PRPF6: variants seen among roughly 807,000 people sequenced by gnomAD.
PRPF6 encodes pre-mRNA processing factor 6.
In PRPF6, 42 loss-of-function variants were observed where a neutral mutation model predicts 118.3. The ratio of observed to expected loss-of-function variants is 0.35; its 90% CI spans 0.28 to 0.46. The LOEUF is 0.46. Ranked by LOEUF, PRPF6 falls within the 20% of genes least tolerant of loss-of-function variation. The pLI, the probability that PRPF6 is intolerant of heterozygous loss-of-function variation, is 1.00. For synonymous variants in PRPF6, 481 were observed against 485.1 expected, an observed-to-expected ratio of 0.99 and a Z score of 0.11; for missense variants, 662 against 1,255.7, an observed-to-expected ratio of 0.53 and a Z score of 7.15.
In PRPF6 at chr20:64,026,037, G is replaced by C. The variant is rs962201507; in HGVS notation, c.2007G>C (p.Arg669=). Residue 669 remains arginine, a synonymous_variant, in exon 15 of 21, where the codon CGG becomes CGC. Coordinates refer to ENST00000266079, the MANE Select transcript of PRPF6 (RefSeq NM_012469.4). The surrounding 1 kb of genome is among the most constrained non-coding windows in gnomAD (Gnocchi z 4.4). ...CCCGGAGGCTGCTGGCCAAGGCGCG[G>C]AGCAGTGCCCCCACCGCCCGGGTAC... The part of the protein sequence containing the change: ...ERARRLLAKA[R]SSAPTARVFM... 1.2e-6 allele frequency: 2 copies of C among 1,607,994 alleles called. No individual in the cohort carries two copies. Among genetic ancestry groups the C allele is most frequent in the Admixed American group, 1.7e-5 (1 of 60,028 alleles).
chr20:63,985,308 A>G (rs74671573), intron 3 of PRPF6, among the ~76,000 whole-genome samples: 1 of 152,016 alleles, frequency 6.6e-6, no homozygotes, highest in Non-Finnish European at 1.5e-5. Context: ...GCAGTGAGCC[A>G]TGATCATTCC....
At chr20:64,017,643 A>G (rs1383159261) in intron 12 of PRPF6, among the ~76,000 whole-genome samples, 1 of 152,188 alleles carries the variant, frequency 6.6e-6, no homozygotes, top group African/African-American at 2.4e-5. Flanking sequence ...CCGGCCTCCC[A>G]GAGTGCTGGG....
In PRPF6 at chr20:64,027,048, G is replaced by A. The variant is rs2059294340; in HGVS notation, c.2095G>A (p.Glu699Lys). 1.2e-6 allele frequency: 2 copies of A among 1,614,082 alleles called. No individual in the cohort carries two copies. Among genetic ancestry groups the A allele is most frequent in the Middle Eastern group, 1.7e-4 (1 of 6,052 alleles). The change falls in exon 16 of 21, where the codon GAG becomes AAG. Residue 699 changes from glutamate (E) to lysine (K), a missense_variant. Transcript: ENST00000266079. This position sits in a 1 kb window ranked among gnomAD's most constrained non-coding sequence, Gnocchi z 6.5. The part of the protein sequence containing the change: ...DNIRAAQDLC[E>K]EALRHYEDFP... ...CATCAGGGCAGCCCAAGATCTGTGC[G>A]AGGAGGCCCTGCGGCACTATGAGGA... is the stretch of plus-strand genomic sequence containing the variant.
At chr20:63,987,190 G>A (rs2427578) in intron 3 of PRPF6, among the ~76,000 whole-genome samples, 19,418 of 72,202 alleles carry the variant, frequency 0.27, 1,803 homozygotes, top group South Asian at 0.38. Context: ...AAAAAAAAAA[G>A]GGGGGGGGAG....
At chr20:63,984,361 C>T (rs1476380869) in intron 2 of PRPF6, among the ~76,000 whole-genome samples, 1 of 151,036 alleles carries the variant, frequency 6.6e-6, no homozygotes, top group African/African-American at 2.4e-5. Flanking sequence ...GCGGAGGTTG[C>T]GGTGAGCCAA....
chr20:64,025,530 G>A (rs542467245), intron 14 of PRPF6, among the ~76,000 whole-genome samples: 18 of 152,252 alleles, frequency 1.2e-4, no homozygotes, highest in Non-Finnish European at 2.5e-4. Flanking sequence ...CATGAGGACA[G>A]GACAGCTGGC....
At chr20:64,008,629 C>T (rs1029434465) in intron 9 of PRPF6, among the ~76,000 whole-genome samples, 5 of 139,076 alleles carry the variant, frequency 3.6e-5, no homozygotes, top group Admixed American at 6.9e-5. Context: ...AATTAGGTCA[C>T]TCTTTGCTTT....
intron 9 of PRPF6, among the ~76,000 whole-genome samples, chr20:64,009,721 CAAAACA>C (rs905258844): frequency 2.6e-5 from 4 of 152,290 alleles, no homozygotes; most frequent in African/African-American, 9.6e-5. Flanking sequence ...GACTCTGTCT[CAAAACA>C]AAAACAAAAA....
In PRPF6 at chr20:64,011,507, G is replaced by A; in HGVS notation, c.1524+4G>A. 1.2e-6 allele frequency: 2 copies of A among 1,611,036 alleles called. No homozygotes were observed. The highest frequency in any genetic ancestry group is 1.7e-6 in the Non-Finnish European group (2 of 1,179,154). ...CAACCGTGAGCAGTGGATCCAGGTG[G>A]GCCGCAGGCGGGTGTCGTGGTGTCT... On this transcript the variant is annotated splice_donor_region_variant and intron_variant, in intron 11 of 20. Transcript: ENST00000266079. This position sits in a 1 kb window ranked among gnomAD's most constrained non-coding sequence, Gnocchi z 6.7.
rs747216924 is a variant in PRPF6, at chr20:64,029,351, C to G, written c.2432-26C>G. 64 of 1,606,868 alleles carry G rather than the reference C, an allele frequency of 4.0e-5. No homozygotes were observed. Among genetic ancestry groups the G allele is most frequent in the Non-Finnish European group, 5.2e-5 (61 of 1,173,794 alleles). ...CGGAACCAGAGGCTGGAGTGCAAAT[C>G]TTTGTTCTTTGTTTCTGAATTATAG... On this transcript the variant is annotated intron_variant, in intron 18 of 20. Transcript: ENST00000266079. The surrounding 1 kb of genome is among the most constrained non-coding windows in gnomAD (Gnocchi z 4.8).
chr20:63,981,140 C>A lies in PRPF6; in HGVS notation c.-106C>A. On this transcript the variant is annotated 5_prime_UTR_variant, in exon 1 of 21. Coordinates refer to ENST00000266079, the MANE Select transcript of PRPF6 (RefSeq NM_012469.4). ...GGCGCGGGTGACGCGACGACGGCGA[C>A]ACTTTGCTACGGAGTGCATCGGACG... 2.4e-6 allele frequency: 3 copies of A among 1,230,688 alleles called. No homozygotes were observed. Among genetic ancestry groups the A allele is most frequent in the Middle Eastern group, 1.9e-4 (1 of 5,382 alleles). 76.2% of individuals were successfully genotyped at this position (1,230,688 alleles called of 1,614,324 possible).
Position 64,026,852 on chromosome 20 carries a change from CACAA to C in PRPF6, c.2029-126_2029-123del, listed in dbSNP as rs1346280125. 3.1e-5 allele frequency: 30 copies of C among 960,108 alleles called. No individual in the cohort carries two copies. Among genetic ancestry groups the C allele is most frequent in the Non-Finnish European group, 4.8e-5 (29 of 606,920 alleles). The allele number at this position is 960,108 out of a possible 1,614,324, so 59.5% of individuals were successfully genotyped here. On this transcript the variant is annotated intron_variant, in intron 15 of 20. Transcript: ENST00000266079. This position sits in a 1 kb window ranked among gnomAD's most constrained non-coding sequence, Gnocchi z 4.4. ...TATATTTATCCCCACCTTTTGTGTA[CACAA>C]ACAGGCTATGAAAAGCTTACAAAAG...
At position 64,022,823 on chromosome 20, in the gene PRPF6, A is replaced by T. The variant is rs1271387957; in HGVS notation, c.1714A>T (p.Ser572Cys). 2.5e-6 allele frequency: 4 copies of T among 1,614,028 alleles called. No individual in the cohort carries two copies. Among genetic ancestry groups the T allele is most frequent in the African/African-American group, 2.7e-5 (2 of 74,924 alleles). The change falls in exon 13 of 21, where the codon AGC becomes TGC. Residue 572 changes from serine to cysteine, a missense_variant. Transcript: ENST00000266079. The stretch of plus-strand genomic sequence containing the variant: ...CGCCTACGCCCTGCAGGTGTTCCCC[A>T]GCAAGAAGAGTGTGTGGCTGCGCGC... ...IYAYALQVFP[S>C]KKSVWLRAAY... is the part of the protein sequence containing the mutation.
intron 11 of PRPF6, among the ~76,000 whole-genome samples, chr20:64,016,031 T>C (rs1173996805): frequency 6.6e-6 from 1 of 152,058 alleles, no homozygotes; most frequent in African/African-American, 2.4e-5. Context: ...GGTGAGAGTA[T>C]CCCTTGAGCC....
chr20:63,994,818 G>A (rs2059134163), intron 4 of PRPF6, 98 bp from the exon 5 acceptor site: 5 of 1,474,148 alleles, frequency 3.4e-6, no homozygotes, highest in Non-Finnish European at 4.7e-6. Flanking sequence ...TCTAAAGCTT[G>A]GTGATCTGGA....
chr20:63,999,329 A>G lies in PRPF6; in HGVS notation c.866+190A>G, dbSNP rs1177655039. Among the ~76,000 whole-genome samples the G allele has an allele frequency of 1.3e-5, 2 of 152,242 alleles. 1 individual carries two copies. The highest frequency in any genetic ancestry group is 4.8e-5 in the African/African-American group (2 of 41,470). ...ATTGCGTACACTCAATGTGTTACAT[A>G]TGATACTGCAAAGTCCCTGCCTGTG... On this transcript the variant is annotated intron_variant, in intron 7 of 20. Coordinates refer to ENST00000266079, the MANE Select transcript of PRPF6 (RefSeq NM_012469.4).
At chr20:64,030,295 C>T (rs1031799870) in intron 19 of PRPF6, among the ~76,000 whole-genome samples, 4 of 152,160 alleles carry the variant, frequency 2.6e-5, no homozygotes, top group South Asian at 2.1e-4. Flanking sequence ...CAGCTCAGGA[C>T]GTGGGCTCAC....
At chr20:63,995,847 G>A (rs574383352) in intron 6 of PRPF6, among the ~76,000 whole-genome samples, 10 of 151,902 alleles carry the variant, frequency 6.6e-5, no homozygotes, top group African/African-American at 2.4e-4. Context: ...TGTAGAGACG[G>A]GGTTTTACCA....
chr20:63,995,620 T>C, intron 6 of PRPF6, 138 bp downstream of exon 6: 1 of 1,090,818 alleles, frequency 9.2e-7, no homozygotes, highest in Non-Finnish European at 1.3e-6. Flanking sequence ...TTCTCCTTTT[T>C]TTTTTTTTGG....
Sources: allele counts gnomAD v4.1 joint callset (sites outside exome capture counted in the v4.1 genomes callset), GRCh38; gene constraint gnomAD v4.1.1; non-coding constraint Gnocchi (gnomAD v3.1); transcripts MANE v1.5; gene names NCBI Gene and HGNC (gene_info 2026-07-23, HGNC 2026-07-21).